The following RNF213 variants were observed in gnomAD, a reference collection of about 807,000 sequenced individuals.
RNF213 encodes E3 ubiquitin-protein ligase RNF213.
In RNF213, 341 loss-of-function variants were observed where a neutral mutation model predicts 514.4. The observed-to-expected ratio is 0.66, with a 90% CI of 0.61 to 0.73. The LOEUF (loss-of-function observed/expected upper bound fraction) is 0.73, where lower values mean the gene tolerates loss of function less well. Ranked by LOEUF, RNF213 falls within the 30% of genes least tolerant of loss-of-function variation. The probability of loss-of-function intolerance (pLI) is 0.00; values close to 1 mark genes in which losing one functional copy is unlikely to be tolerated. For synonymous variants in RNF213, 2,655 were observed against 2,658.2 expected, an observed-to-expected ratio of 1.00 and a Z score of 0.04; for missense variants, 5,767 against 6,615.6, an observed-to-expected ratio of 0.87 and a Z score of 4.45.
At chr17:80,320,113 C>CTGTGGTGATG in intron 17 of RNF213, 2 of 659,876 alleles carry the variant, frequency 3.0e-6, no homozygotes, top group Non-Finnish European at 3.8e-6. Flanking sequence ...CAGTCATCAC[C>CTGTGGTGATG]ACAGTTAATG....
intron 58 of RNF213, 61 bp downstream of exon 58, chr17:80,383,131 T>G (rs138580485): frequency 2.5e-6 from 3 of 1,189,564 alleles, no homozygotes; most frequent in African/African-American, 3.0e-5. Flanking sequence ...GGTCCCGGCG[T>G]CTGCTGAATG....
intron 3 of RNF213, among the ~76,000 whole-genome samples, chr17:80,275,820 G>A (rs570940823): frequency 1.4e-4 from 22 of 151,952 alleles, no homozygotes; most frequent in South Asian, 4.2e-4. Flanking sequence ...CCGCCACCAC[G>A]CCTGGCTAAT....
chr17:80,274,822 CTG>C (rs1423211613), intron 3 of RNF213, among the ~76,000 whole-genome samples: 2 of 6,486 alleles, frequency 3.1e-4, no homozygotes, highest in African/African-American at 1.5e-3. Flanking sequence ...AGGGGGGTGT[CTG>C]TGGGGGGTGA....
chr17:80,354,333 T>A, intron 35 of RNF213, 108 bp from the exon 36 acceptor site: 1 of 1,573,538 alleles, frequency 6.4e-7, no homozygotes, highest in Middle Eastern at 1.9e-4. Flanking sequence ...TGCTCTAGAA[T>A]TGGCCTGGCC....
chr17:80,386,070 T>C (rs2080223880), intron 61 of RNF213, among the ~76,000 whole-genome samples, 180 bp from the exon 62 acceptor site: 1 of 152,112 alleles, frequency 6.6e-6, no homozygotes, highest in East Asian at 1.9e-4. Flanking sequence ...TCCCTAAATA[T>C]GGCATCAAAA....
At chr17:80,354,663 C>T in intron 36 of RNF213, 87 bp downstream of exon 36, 1 of 1,504,140 alleles carries the variant, frequency 6.6e-7, no homozygotes, top group South Asian at 1.1e-5. Context: ...CCATCCGGGC[C>T]ATGGGGACTG....
chr17:80,386,771 C>T lies in RNF213; in HGVS notation c.14802C>T (p.Leu4934=), dbSNP rs1440344913. The T allele has an allele frequency of 6.2e-7, 1 of 1,614,236 alleles. No individual in the cohort carries two copies. Among genetic ancestry groups the T allele is most frequent in the Non-Finnish European group, 8.5e-7 (1 of 1,180,032 alleles). Residue 4934 remains leucine, a synonymous_variant, in exon 63 of 68, where the codon CTC becomes CTT. Coordinates refer to ENST00000582970, the MANE Select transcript of RNF213 (RefSeq NM_001256071.3). The part of the protein sequence containing the change: ...EVERDLTPLI[L]SNCQYQVEEG... Reference sequence around the variant, plus strand: ...AGCGGGACCTGACTCCACTGATTCTCTCCAACTGCCAGTACCAGGTGGAGG... The same window carrying T: ...AGCGGGACCTGACTCCACTGATTCTTTCCAACTGCCAGTACCAGGTGGAGG...
Position 80,396,781 on chromosome 17 carries a change from T to C in RNF213, c.*3283T>C, listed in dbSNP as rs1221777111. On this transcript the variant is annotated 3_prime_UTR_variant, in exon 68 of 68. Transcript: ENST00000582970. Reference sequence around the variant, plus strand: ...AACTTTGGTCAGAAGTCACACCTAATCACCCTCTCTGCAGGATATGCTGGG... The same window carrying C: ...AACTTTGGTCAGAAGTCACACCTAACCACCCTCTCTGCAGGATATGCTGGG... The C allele has an allele frequency of 1.8e-5, 2 of 109,016 alleles. No homozygotes were observed. Among genetic ancestry groups the C allele is most frequent in the African/African-American group, 3.6e-5 (1 of 27,982 alleles). The allele number at this position is 109,016 out of a possible 1,614,324, so 6.8% of individuals were successfully genotyped here.
chr17:80,313,566 ATGGTGGTCATGGAGGTGGTGG>A (rs1265410343), intron 15 of RNF213, among the ~76,000 whole-genome samples: 2 of 120,570 alleles, frequency 1.7e-5, no homozygotes, highest in Non-Finnish European at 3.5e-5. Flanking sequence ...GATGGTGGTG[ATGGTGGTCATGGAGGTGGTGG>A]AGGTGATGGT....
At position 80,379,728 on chromosome 17, in the gene RNF213, G is replaced by A. The variant is rs2079909038; in HGVS notation, c.13640+14G>A. 2 of 1,611,158 alleles carry A rather than the reference G, an allele frequency of 1.2e-6. No homozygotes were observed. Among genetic ancestry groups the A allele is most frequent in the Non-Finnish European group, 1.7e-6 (2 of 1,177,330 alleles). ...TCATCTGGTCAAGTATGTGGGTCAG[G>A]ATTCTATTTCCTAAGTACTCAAACT... On this transcript the variant is annotated intron_variant, in intron 55 of 67. Coordinates refer to ENST00000582970, the MANE Select transcript of RNF213 (RefSeq NM_001256071.3).
chr17:80,374,678 G>C, intron 50 of RNF213, 89 bp downstream of exon 50: 1 of 1,480,248 alleles, frequency 6.8e-7, no homozygotes, highest in Non-Finnish European at 9.3e-7. Flanking sequence ...GATGCAGGGT[G>C]ATGGACCACT....
At chr17:80,381,446 G>C in intron 56 of RNF213, 101 bp from the exon 57 acceptor site, 1 of 1,275,752 alleles carries the variant, frequency 7.8e-7, no homozygotes, top group Non-Finnish European at 1.1e-6. Context: ...ACCGCCTTCC[G>C]ACTCTATGCT....
At chr17:80,314,346 G>A (rs1488537113) in intron 15 of RNF213, among the ~76,000 whole-genome samples, 3 of 19,292 alleles carry the variant, frequency 1.6e-4, no homozygotes, top group African/African-American at 3.2e-4. Context: ...GGTGGTGGTG[G>A]TGGAGGTACT....
At position 80,363,724 on chromosome 17, in the gene RNF213, T is replaced by A; in HGVS notation, c.11684T>A (p.Leu3895His). The A allele has an allele frequency of 2.5e-6, 4 of 1,613,732 alleles. 1 individual carries two copies. The South Asian group carries it at 4.4e-5, about 18-fold the overall frequency. The change falls in exon 41 of 68, where the codon CTC (leucine) becomes CAC (histidine). Residue 3895 changes from leucine (L) to histidine (H), a missense_variant. This residue lies in a region of RNF213 where 355 missense variants were observed against 358.0 expected (regional missense o/e 0.99). Coordinates refer to ENST00000582970, the MANE Select transcript of RNF213 (RefSeq NM_001256071.3). ...LVKNLSMPLE[L>H]ICSDEHMQGS... Reference sequence around the variant, plus strand: ...AAGAATCTTTCCATGCCGCTGGAGCTCATCTGCTCCGATGAGCACATGCAA... The same window carrying A: ...AAGAATCTTTCCATGCCGCTGGAGCACATCTGCTCCGATGAGCACATGCAA...
At chr17:80,326,391 G>A (rs775343241) in intron 18 of RNF213, among the ~76,000 whole-genome samples, 1 of 152,148 alleles carries the variant, frequency 6.6e-6, no homozygotes, top group Non-Finnish European at 1.5e-5. Context: ...ACCATCACAC[G>A]GGCAGTACCC....
intron 13 of RNF213, among the ~76,000 whole-genome samples, chr17:80,308,079 A>G (rs570096217): frequency 6.6e-6 from 1 of 152,208 alleles, no homozygotes; most frequent in Admixed American, 6.5e-5. Context: ...TTGCTCCTGC[A>G]AATTTGTGAC....
chr17:80,272,741 A>G (rs1003769114), intron 2 of RNF213, among the ~76,000 whole-genome samples: 45 of 151,550 alleles, frequency 3.0e-4, no homozygotes, highest in African/African-American at 1.1e-3. Context: ...TGCTGTCTGC[A>G]TGGCAGCTCT....
rs376268612 is a variant in RNF213 at position 80,344,923 on chromosome 17, A to T, written c.6588A>T (p.Glu2196Asp). 80 of 1,614,054 alleles carry T rather than the reference A, an allele frequency of 5.0e-5. No homozygotes were observed. The highest frequency in any genetic ancestry group is 5.8e-5 in the Non-Finnish European group (69 of 1,180,032). The stretch of plus-strand genomic sequence containing the variant: ...GCTCTGTCGAAGGCACCCCGGAGGA[A>T]TGCCTCCAGCATTTCCTGTTTCACT... ...QEGSVEGTPE[E>D]CLQHFLFHCG... Residue 2196 changes from glutamate (E) to aspartate (D), a missense_variant, in exon 29 of 68, where the codon GAA (glutamate) becomes GAT (aspartate). Glu to Asp is a conservative substitution (Grantham distance 45). Coordinates refer to ENST00000582970, the MANE Select transcript of RNF213 (RefSeq NM_001256071.3).
intron 3 of RNF213, among the ~76,000 whole-genome samples, chr17:80,280,377 T>C (rs1375903178): frequency 6.6e-6 from 1 of 152,208 alleles, no homozygotes; most frequent in Non-Finnish European, 1.5e-5. Context: ...ATGTCTGCTG[T>C]CACCCAGAAT....
Sources: allele counts gnomAD v4.1 joint callset (sites outside exome capture counted in the v4.1 genomes callset), GRCh38; gene constraint gnomAD v4.1.1; regional missense constraint gnomAD v4.1.1; transcripts MANE v1.5; gene names NCBI Gene and HGNC (gene_info 2026-07-23, HGNC 2026-07-21).